KLK14: variants seen among roughly 807,000 people sequenced by gnomAD.
KLK14 encodes kallikrein related peptidase 14.
A neutral mutation model predicts 24.6 loss-of-function variants in KLK14; 21 were observed. The ratio of observed to expected loss-of-function variants is 0.85; its 90% CI spans 0.61 to 1.23. The LOEUF is 1.23. Among genes scored for constraint, KLK14 ranks in the 50% most tolerant of loss-of-function variants. The pLI is 0.00. For missense variants in KLK14, 320 were observed against 338.9 expected (o/e 0.94, Z 0.44); for synonymous variants, 133 against 139.7 (o/e 0.95, Z 0.34).
Position 51,078,703 on chromosome 19 carries a change from C to A in KLK14, c.603+112G>T. 7.2e-7 allele frequency: 1 copy of A among 1,397,428 alleles called. No individual in the cohort carries two copies. Among genetic ancestry groups the A allele is most frequent in the Admixed American group, 2.0e-5 (1 of 48,842 alleles). The allele number at this position is 1,397,428 out of a possible 1,614,324, so 86.6% of individuals were successfully genotyped here. A position where few individuals can be genotyped will look rare whatever the true frequency, so the allele number is the denominator to read the frequency against. On this transcript the variant is annotated intron_variant, in intron 5 of 5. Coordinates refer to ENST00000650543, the MANE Select transcript of KLK14 (RefSeq NM_001369775.2). The surrounding 1 kb of genome is among the most constrained non-coding windows in gnomAD (Gnocchi z 5.0). The stretch of plus-strand genomic sequence containing the variant: ...GCCTGGCTATCGGAATCTCTCTGTG[C>A]CTGCGGTTCACTCTCTTCTGAAGAC...
intron 3 of KLK14, 63 bp from the exon 4 acceptor site, chr19:51,079,765 C>T: frequency 1.3e-6 from 2 of 1,500,730 alleles, no homozygotes; most frequent in South Asian, 1.3e-5. Flanking sequence ...TCCCCACCCT[C>T]CAGCCCGGTT....
chr19:51,079,489 G>A lies in KLK14; in HGVS notation c.426C>T (p.Ser142=), dbSNP rs780575839. The change falls in exon 4 of 6, where the codon TCC becomes TCT. Residue 142 remains serine, a synonymous_variant. Transcript: ENST00000650543. ...VTQACASPGT[S]CRVSGWGTIS... Reference sequence around the variant, plus strand: ...TAGTTCCCCAGCCTGACACTCGGCAGGAGGTCCCGGGGCTGGCACAGGCCT... The same window carrying A: ...TAGTTCCCCAGCCTGACACTCGGCAAGAGGTCCCGGGGCTGGCACAGGCCT... 1 of 1,613,564 alleles carries A rather than the reference G, an allele frequency of 6.2e-7. No individual in the cohort carries two copies. The highest frequency in any genetic ancestry group is 8.5e-7 in the Non-Finnish European group (1 of 1,179,902).
chr19:51,079,016 C>T (rs377593627), intron 4 of KLK14, 65 bp from the exon 5 acceptor site: 166 of 1,579,436 alleles, frequency 1.1e-4, no homozygotes, highest in East Asian at 1.0e-3. Flanking sequence ...TCCAGGCCCC[C>T]AGCCCCTCCT....
At position 51,077,939 on chromosome 19, in the gene KLK14, C is replaced by A; in HGVS notation, c.*68G>T. 3.8e-6 allele frequency: 6 copies of A among 1,577,452 alleles called. No individual in the cohort carries two copies. The highest frequency in any genetic ancestry group is 1.2e-5 in the South Asian group (1 of 85,906). On this transcript the variant is annotated 3_prime_UTR_variant, in exon 6 of 6. Transcript: ENST00000650543. ...GAGGGAGGAGGGGCTGGGGCCTGGA[C>A]TCCTGGGTCCTGAGTAGAGAGAGGA...
rs770016622 is a variant in KLK14, at chr19:51,079,603, G to A, written c.312C>T (p.Asn104=). 2 of 1,613,678 alleles carry A rather than the reference G, an allele frequency of 1.2e-6. No individual in the cohort carries two copies. Among genetic ancestry groups the A allele is most frequent in the Admixed American group, 3.3e-5 (2 of 59,976 alleles). The part of the protein sequence containing the change: ...VVRQVTHPNY[N]SRTHDNDLML... ...TGAGGTCGTTGTCGTGGGTCCGGGAGTTGTAGTTGGGGTGCGTCACCTGAC... is the reference window on the plus strand; with the variant it reads ...TGAGGTCGTTGTCGTGGGTCCGGGAATTGTAGTTGGGGTGCGTCACCTGAC... Residue 104 remains asparagine (N), a synonymous_variant, in exon 4 of 6, where the codon AAC becomes AAT. Coordinates refer to ENST00000650543, the MANE Select transcript of KLK14 (RefSeq NM_001369775.2).
At chr19:51,077,756 C>T (rs2091811189), downstream of KLK14, 1 of 306,400 alleles carries the variant, frequency 3.3e-6, no homozygotes, top group Non-Finnish European at 5.6e-6. Flanking sequence ...GGGGCCTGGA[C>T]TCCTGGGTCT....
intron 2 of KLK14, 136 bp downstream of exon 2, chr19:51,082,439 C>A (rs1279662507): frequency 1.7e-5 from 13 of 760,720 alleles, no homozygotes; most frequent in Non-Finnish European, 2.2e-5. Context: ...CACGTTCCCC[C>A]ACCATGACCC....
chr19:51,080,964 C>T (rs764735101), intron 3 of KLK14, among the ~76,000 whole-genome samples: 1 of 152,208 alleles, frequency 6.6e-6, no homozygotes, highest in Non-Finnish European at 1.5e-5. Context: ...TGAGCCACCG[C>T]ACCCGCCACA....
chr19:51,082,665 G>C, intron 1 of KLK14, 29 bp from the exon 2 acceptor site: 1 of 1,614,202 alleles, frequency 6.2e-7, no homozygotes, highest in Non-Finnish European at 8.5e-7. Flanking sequence ...AAGTGAGAGA[G>C]AAGGAACCTT....
intron 3 of KLK14, among the ~76,000 whole-genome samples, chr19:51,080,289 C>T (rs1355125072): frequency 6.6e-6 from 1 of 152,206 alleles, no homozygotes; most frequent in Non-Finnish European, 1.5e-5. Flanking sequence ...ATTCTCCCGC[C>T]TCAGCCTCCC....
At chr19:51,079,780 G>C in intron 3 of KLK14, 78 bp from the exon 4 acceptor site, 1 of 1,484,238 alleles carries the variant, frequency 6.7e-7, no homozygotes, top group Non-Finnish European at 8.9e-7. Context: ...CCGGTTCCCT[G>C]GCCGGGTGAC....
upstream of KLK14, among the ~76,000 whole-genome samples, chr19:51,083,794 A>G (rs2091855168): frequency 6.6e-6 from 1 of 151,850 alleles, no homozygotes; most frequent in Non-Finnish European, 1.5e-5. Context: ...AGACACACAG[A>G]AAGAGAAAAC....
At chr19:51,080,508 C>T (rs1331977125) in intron 3 of KLK14, among the ~76,000 whole-genome samples, 1 of 152,154 alleles carries the variant, frequency 6.6e-6, no homozygotes, top group African/African-American at 2.4e-5. Flanking sequence ...TAGACTCTGG[C>T]CTGAGCTTTG....
chr19:51,081,446 T>C (rs1297977806), intron 3 of KLK14, 86 bp downstream of exon 3: 3 of 1,290,020 alleles, frequency 2.3e-6, no homozygotes, highest in African/African-American at 3.1e-5. Flanking sequence ...TTGGGTTCTA[T>C]ACAGAGATCC....
rs778558199 is a variant in KLK14, at chr19:51,082,693, G to A, written c.-23+29C>T. On this transcript the variant is annotated intron_variant, in intron 1 of 5. Transcript: ENST00000650543. ...GGAACCTTCAACAGAACCGGGGGCTGAGAGGCAGAGACAGCAAGGGGCACT... is the reference window on the plus strand; with the variant it reads ...GGAACCTTCAACAGAACCGGGGGCTAAGAGGCAGAGACAGCAAGGGGCACT... 8 of 1,614,202 alleles carry A rather than the reference G, an allele frequency of 5.0e-6. No individual in the cohort carries two copies. In the South Asian group the frequency reaches 5.5e-5, roughly 11 times the overall value.
chr19:51,080,205 C>T (rs886546818), intron 3 of KLK14, among the ~76,000 whole-genome samples: 2 of 151,572 alleles, frequency 1.3e-5, no homozygotes, highest in African/African-American at 2.4e-5. Flanking sequence ...GATGGAGTCT[C>T]GCTCTGTCAC....
In KLK14 at chr19:51,080,237, C is replaced by T. The variant is rs140148268; in HGVS notation, c.213-535G>A. On this transcript the variant is annotated intron_variant, in intron 3 of 5. Coordinates refer to ENST00000650543, the MANE Select transcript of KLK14 (RefSeq NM_001369775.2). ...TCACCTAGGCTGGAGTGCAGTGGCACGATCTCAGCTCACTCTCGACCTCCA... is the reference window on the plus strand; with the variant it reads ...TCACCTAGGCTGGAGTGCAGTGGCATGATCTCAGCTCACTCTCGACCTCCA... Among the ~76,000 whole-genome samples the T allele has an allele frequency of 4.7e-3, 710 of 152,180 alleles. 3 individuals are homozygous for T. The highest frequency in any genetic ancestry group is 0.016 in the African/African-American group (683 of 41,520).
intron 3 of KLK14, 58 bp from the exon 4 acceptor site, chr19:51,079,760 A>C (rs1599797010): frequency 6.6e-7 from 1 of 1,506,514 alleles, no homozygotes; most frequent in South Asian, 1.3e-5. Context: ...ACTCCTCCCC[A>C]CCCTCCAGCC....
At chr19:51,082,083 C>T (rs1396728455) in intron 2 of KLK14, among the ~76,000 whole-genome samples, 2 of 151,922 alleles carry the variant, frequency 1.3e-5, no homozygotes, top group African/African-American at 2.4e-5. Flanking sequence ...TCCCTGTCTC[C>T]TCCCCAACGT....
Sources: allele counts gnomAD v4.1 joint callset (sites outside exome capture counted in the v4.1 genomes callset), GRCh38; gene constraint gnomAD v4.1.1; non-coding constraint Gnocchi (gnomAD v3.1); transcripts MANE v1.5; gene names NCBI Gene and HGNC (gene_info 2026-07-23, HGNC 2026-07-21).